Variants in ZNRF3 observed in about 807,000 individuals in gnomAD.
ZNRF3 encodes zinc and ring finger 3.
Under a neutral mutation model 72.5 loss-of-function variants are expected in ZNRF3, and 23 were observed. That is an observed-to-expected ratio of 0.32 (90% CI 0.23 to 0.45). The LOEUF (loss-of-function observed/expected upper bound fraction) is 0.45, where lower values mean the gene tolerates loss of function less well. ZNRF3 is among the 20% of genes least tolerant of loss of function. ZNRF3 has a pLI of 1.00. For missense variants in ZNRF3, 1,169 were observed against 1,272.1 expected (o/e 0.92, Z 1.23); for synonymous variants, 610 against 545.3 (o/e 1.12, Z -1.65).
intron 1 of ZNRF3, among the ~76,000 whole-genome samples, chr22:28,953,349 C>T (rs1455411548): frequency 6.6e-6 from 1 of 152,230 alleles, no homozygotes; most frequent in Admixed American, 6.5e-5. Context: ...TTTCCTCCAG[C>T]CCCTCAGCCA....
intron 1 of ZNRF3, among the ~76,000 whole-genome samples, chr22:28,903,465 G>A (rs963644218): frequency 5.9e-5 from 9 of 152,208 alleles, no homozygotes; most frequent in Admixed American, 6.5e-5. Context: ...TTGATCCAGC[G>A]TGTGATTTTT....
At chr22:29,017,242 C>T (rs912910134) in intron 2 of ZNRF3, among the ~76,000 whole-genome samples, 1 of 152,224 alleles carries the variant, frequency 6.6e-6, no homozygotes, top group African/African-American at 2.4e-5. Flanking sequence ...ATCAGAAGGT[C>T]TGGCAGTGCT....
At chr22:29,035,596 G>A (rs1350796550) in intron 2 of ZNRF3, among the ~76,000 whole-genome samples, 1 of 152,120 alleles carries the variant, frequency 6.6e-6, no homozygotes, top group Non-Finnish European at 1.5e-5. Flanking sequence ...TTCTTTTTGA[G>A]ACGGAGTCTC....
chr22:28,939,766 G>A (rs1457634076), intron 1 of ZNRF3, among the ~76,000 whole-genome samples: 1 of 151,880 alleles, frequency 6.6e-6, no homozygotes, highest in Admixed American at 6.5e-5. Flanking sequence ...CTGTAGAAAG[G>A]GTTCACATCC....
intron 1 of ZNRF3, among the ~76,000 whole-genome samples, chr22:28,898,050 C>T (rs939991543): frequency 6.6e-6 from 1 of 152,126 alleles, no homozygotes; most frequent in East Asian, 1.9e-4. Flanking sequence ...TCAAACGATC[C>T]TCCCACCTGA....
At chr22:28,927,937 C>G (rs1452870940) in intron 1 of ZNRF3, among the ~76,000 whole-genome samples, 5 of 152,188 alleles carry the variant, frequency 3.3e-5, no homozygotes, top group Admixed American at 3.3e-4. Flanking sequence ...GGTAGTGGAT[C>G]TGCTGACTGT....
At chr22:28,964,197 C>T (rs572671465) in intron 1 of ZNRF3, among the ~76,000 whole-genome samples, 36 of 152,234 alleles carry the variant, frequency 2.4e-4, no homozygotes, top group African/African-American at 8.7e-4. Flanking sequence ...GTTCACATAC[C>T]AAGAAACCTA....
At chr22:29,010,786 C>T (rs535179171) in intron 2 of ZNRF3, among the ~76,000 whole-genome samples, 1 of 152,320 alleles carries the variant, frequency 6.6e-6, no homozygotes, top group African/African-American at 2.4e-5. Flanking sequence ...TCTTGTGCTT[C>T]AACCTCCCAA....
At chr22:28,989,273 T>C (rs1050164018) in intron 2 of ZNRF3, among the ~76,000 whole-genome samples, 1 of 152,128 alleles carries the variant, frequency 6.6e-6, no homozygotes, top group African/African-American at 2.4e-5. Flanking sequence ...GCACAGAAGC[T>C]TGGGCCAAAG....
intron 2 of ZNRF3, among the ~76,000 whole-genome samples, chr22:29,040,449 G>A (rs1013869337): frequency 1.3e-5 from 2 of 151,936 alleles, no homozygotes; most frequent in Admixed American, 1.3e-4. Flanking sequence ...TCAGAATGCT[G>A]GGATTACAGG....
intron 2 of ZNRF3, among the ~76,000 whole-genome samples, chr22:29,014,920 T>G (rs936689960): frequency 6.6e-6 from 1 of 152,178 alleles, no homozygotes; most frequent in Non-Finnish European, 1.5e-5. Flanking sequence ...GAGGGAAAGA[T>G]TCCCACAGCC....
intron 1 of ZNRF3, among the ~76,000 whole-genome samples, chr22:28,930,456 G>T (rs2034684170): frequency 6.6e-6 from 1 of 152,198 alleles, no homozygotes; most frequent in Non-Finnish European, 1.5e-5. Flanking sequence ...AAGGGCCCCA[G>T]AGGATGGTTC....
At chr22:29,037,549 A>G (rs993123564) in intron 2 of ZNRF3, among the ~76,000 whole-genome samples, 2 of 152,232 alleles carry the variant, frequency 1.3e-5, no homozygotes, top group African/African-American at 4.8e-5. Flanking sequence ...GAATAACCAT[A>G]GGAGTGGTAA....
intron 2 of ZNRF3, among the ~76,000 whole-genome samples, chr22:29,020,010 C>T (rs1170289835): frequency 1.3e-5 from 2 of 151,768 alleles, no homozygotes; most frequent in South Asian, 2.1e-4. Flanking sequence ...GCAAGACCTC[C>T]CCCCCAATCC....
chr22:28,948,913 T>G (rs1036656048), intron 1 of ZNRF3, among the ~76,000 whole-genome samples: 2 of 152,228 alleles, frequency 1.3e-5, no homozygotes, highest in African/African-American at 4.8e-5. Context: ...ATTGATTCAC[T>G]TAGTCATGTA....
chr22:28,898,926 GTTTTT>G (rs34713478), intron 1 of ZNRF3, among the ~76,000 whole-genome samples: 4 of 114,080 alleles, frequency 3.5e-5, no homozygotes, highest in African/African-American at 6.4e-5. Flanking sequence ...ACATGCTGAG[GTTTTT>G]TTTTTTTTTT....
chr22:28,982,316 G>A (rs575512138), intron 1 of ZNRF3, among the ~76,000 whole-genome samples: 1 of 151,698 alleles, frequency 6.6e-6, no homozygotes, highest in Non-Finnish European at 1.5e-5. Flanking sequence ...TGTGTAAACC[G>A]GTCAGGTGCA....
At chr22:28,933,496 A>G (rs893732758) in intron 1 of ZNRF3, among the ~76,000 whole-genome samples, 1 of 152,170 alleles carries the variant, frequency 6.6e-6, no homozygotes, top group Non-Finnish European at 1.5e-5. Flanking sequence ...ACATTAACCA[A>G]AGGGCTTCCT....
At chr22:28,909,310 C>G (rs1243432895) in intron 1 of ZNRF3, among the ~76,000 whole-genome samples, 1 of 152,108 alleles carries the variant, frequency 6.6e-6, no homozygotes, top group Non-Finnish European at 1.5e-5. Flanking sequence ...GGAAGAGTTG[C>G]TCTTTGGGAA....
Sources: gnomAD v4.1 joint callset for allele counts (sites outside exome capture counted in the v4.1 genomes callset) on GRCh38, gnomAD v4.1.1 for gene constraint, MANE v1.5 for transcripts, NCBI Gene and HGNC (gene_info 2026-07-23, HGNC 2026-07-21) for gene names.